The following MGAT5 variants were observed in gnomAD, a reference collection of about 807,000 sequenced individuals.
The protein encoded by MGAT5 is alpha-1,6-mannosylglycoprotein 6-beta-N-acetylglucosaminyltransferase, also known as alpha-1,6-mannosylglycoprotein 6-beta-N-acetylglucosaminyltransferase A.
MGAT5 carries 30 observed loss-of-function variants against 94.3 expected under a neutral mutation model. The observed-to-expected ratio is 0.32, with a 90% CI of 0.24 to 0.43. MGAT5 has a LOEUF of 0.43. Among genes scored for constraint, MGAT5 ranks in the 20% least tolerant of loss-of-function variants. The pLI is 1.00. For missense variants in MGAT5, 691 were observed against 905.5 expected, an observed-to-expected ratio of 0.76 and a Z score of 3.04; for synonymous variants, 310 against 322.9, an observed-to-expected ratio of 0.96 and a Z score of 0.43.
At chr2:134,158,322 T>A (rs1687574225) in intron 1 of MGAT5, among the ~76,000 whole-genome samples, 1 of 152,154 alleles carries the variant, frequency 6.6e-6, no homozygotes, top group Non-Finnish European at 1.5e-5. Context: ...CGAGCCACCC[T>A]CACCCCCTCT....
chr2:134,414,143 T>G (rs1574049918), intron 12 of MGAT5, among the ~76,000 whole-genome samples: 1 of 146,120 alleles, frequency 6.8e-6, no homozygotes. Context: ...GTGCACACAC[T>G]TGTGTGTGTG....
intron 1 of MGAT5, among the ~76,000 whole-genome samples, chr2:134,141,067 T>C (rs1254419535): frequency 6.6e-6 from 1 of 152,204 alleles, no homozygotes; most frequent in Non-Finnish European, 1.5e-5. Flanking sequence ...GAGATAATGC[T>C]GTTATCCAGG....
intron 1 of MGAT5, among the ~76,000 whole-genome samples, chr2:134,264,646 A>G (rs568337232): frequency 5.9e-5 from 9 of 152,304 alleles, no homozygotes; most frequent in South Asian, 2.1e-4. Flanking sequence ...TAACTCTATT[A>G]TCTTTCTGTG....
intron 1 of MGAT5, among the ~76,000 whole-genome samples, chr2:134,151,281 T>C (rs1336519395): frequency 5.9e-4 from 74 of 125,258 alleles, no homozygotes; most frequent in African/African-American, 2.1e-3. Context: ...CACTCACTCA[T>C]GCCCTGTGGG....
intron 2 of MGAT5, among the ~76,000 whole-genome samples, chr2:134,296,870 T>C (rs1685705799): frequency 6.6e-6 from 1 of 152,156 alleles, no homozygotes; most frequent in Non-Finnish European, 1.5e-5. Context: ...TTTGATGACA[T>C]GGAAAAATTC....
At chr2:134,443,488 G>C (rs954392345) in intron 15 of MGAT5, among the ~76,000 whole-genome samples, 2 of 152,186 alleles carry the variant, frequency 1.3e-5, no homozygotes, top group Non-Finnish European at 2.9e-5. Context: ...CATCGTGCCC[G>C]GCCCTGGTGA....
chr2:134,350,373 G>GA (rs959642270), intron 9 of MGAT5, among the ~76,000 whole-genome samples: 7 of 151,956 alleles, frequency 4.6e-5, no homozygotes, highest in African/African-American at 1.4e-4. Context: ...ACTTTTTAAA[G>GA]AAAAAAATAG....
chr2:134,315,440 A>C (rs560442418), intron 2 of MGAT5, among the ~76,000 whole-genome samples: 1 of 152,350 alleles, frequency 6.6e-6, no homozygotes, highest in African/African-American at 2.4e-5. Context: ...TGGTCATTGC[A>C]AAATACTATT....
chr2:134,386,413 C>T (rs140663777), intron 10 of MGAT5, among the ~76,000 whole-genome samples: 74 of 152,116 alleles, frequency 4.9e-4, no homozygotes, highest in African/African-American at 1.6e-3. Flanking sequence ...TAGATTAAAC[C>T]GTAAAATAAA....
intron 2 of MGAT5, among the ~76,000 whole-genome samples, chr2:134,273,042 T>C (rs1434734459): frequency 6.6e-6 from 1 of 151,820 alleles, no homozygotes; most frequent in Non-Finnish European, 1.5e-5. Context: ...TGCGCGTGCA[T>C]GCATGCAGAG....
chr2:134,374,711 G>T (rs868554770), intron 10 of MGAT5, among the ~76,000 whole-genome samples: 1 of 152,206 alleles, frequency 6.6e-6, no homozygotes, highest in Non-Finnish European at 1.5e-5. Context: ...ATCAGGACTA[G>T]CCCGGGCACA....
At chr2:134,395,433 A>C (rs1486244197) in intron 10 of MGAT5, among the ~76,000 whole-genome samples, 3 of 152,234 alleles carry the variant, frequency 2.0e-5, no homozygotes, top group Non-Finnish European at 4.4e-5. Flanking sequence ...TAGAGTGGGC[A>C]TAAGCATTGG....
chr2:134,433,504 G>A (rs182234831), intron 14 of MGAT5, among the ~76,000 whole-genome samples: 1 of 152,286 alleles, frequency 6.6e-6, no homozygotes, highest in African/African-American at 2.4e-5. Context: ...CATGGAGATT[G>A]CTGCCTACTG....
intron 10 of MGAT5, among the ~76,000 whole-genome samples, chr2:134,385,727 A>T (rs768097614): frequency 9.2e-5 from 14 of 152,224 alleles, no homozygotes; most frequent in Non-Finnish European, 2.1e-4. Context: ...ATAGGGCATG[A>T]CAATTAAAAA....
intron 11 of MGAT5, among the ~76,000 whole-genome samples, chr2:134,407,034 G>A (rs891764746): frequency 6.6e-6 from 1 of 152,202 alleles, no homozygotes; most frequent in Admixed American, 6.5e-5. Context: ...ATTGTATAAA[G>A]AATGAAAGAA....
intron 6 of MGAT5, among the ~76,000 whole-genome samples, chr2:134,338,834 G>C (rs923163967): frequency 3.3e-5 from 5 of 152,000 alleles, no homozygotes; most frequent in African/African-American, 1.2e-4. Context: ...TGTCTGGTTG[G>C]TGCTTCTGCT....
chr2:134,185,422 A>T (rs1283101143), intron 1 of MGAT5, among the ~76,000 whole-genome samples: 5 of 152,188 alleles, frequency 3.3e-5, no homozygotes, highest in African/African-American at 7.2e-5. Context: ...TACTTTGCTG[A>T]TTGCTGATGC....
chr2:134,337,440 C>A (rs1234306389), intron 5 of MGAT5, among the ~76,000 whole-genome samples: 1 of 152,134 alleles, frequency 6.6e-6, no homozygotes, highest in African/African-American at 2.4e-5. Context: ...TATGCCACTG[C>A]ATTCCAGTCT....
chr2:134,434,498 A>G, intron 14 of MGAT5, among the ~76,000 whole-genome samples: 1 of 152,204 alleles, frequency 6.6e-6, no homozygotes, highest in Non-Finnish European at 1.5e-5. Flanking sequence ...ATTACTGTTT[A>G]TATCTCATTT....
Sources: allele counts gnomAD v4.1 joint callset (sites outside exome capture counted in the v4.1 genomes callset), GRCh38; gene constraint gnomAD v4.1.1; transcripts MANE v1.5; gene names NCBI Gene and HGNC (gene_info 2026-07-23, HGNC 2026-07-21).